The following RLBP1 variants were observed in gnomAD, a reference collection of about 807,000 sequenced individuals.
RLBP1 encodes the protein retinaldehyde-binding protein 1.
A neutral mutation model predicts 36.2 loss-of-function variants in RLBP1; 26 were observed. The ratio of observed to expected loss-of-function variants is 0.72; its 90% CI spans 0.53 to 1.00. RLBP1 has a LOEUF of 1.00. RLBP1 is among the 50% of genes least tolerant of loss of function. RLBP1 has a pLI of 0.00. For synonymous variants in RLBP1, 155 were observed against 156.2 expected, an observed-to-expected ratio of 0.99 and a Z score of 0.06; for missense variants, 410 against 402.4, an observed-to-expected ratio of 1.02 and a Z score of -0.16.
At position 89,214,329 on chromosome 15, in the gene RLBP1, C is replaced by G. The variant is rs954148000; in HGVS notation, c.525+731G>C. On this transcript the variant is annotated intron_variant, in intron 6 of 8. Transcript: ENST00000268125. This position sits in a 1 kb window ranked among gnomAD's most constrained non-coding sequence, Gnocchi z 4.6. Reference sequence around the variant, plus strand: ...TACAAACATTAGCTGGGCATGGTGGCGTGCGTCTGTAATCCCAGCTACTTG... The same window carrying G: ...TACAAACATTAGCTGGGCATGGTGGGGTGCGTCTGTAATCCCAGCTACTTG... 1.3e-5 allele frequency among the ~76,000 whole-genome samples: 2 copies of G among 152,102 alleles called. No homozygotes were observed. The highest frequency in any genetic ancestry group is 3.9e-4 in the East Asian group (2 of 5,188).
At chr15:89,215,336 C>G in intron 5 of RLBP1, 98 bp from the exon 6 acceptor site, 1 of 1,182,324 alleles carries the variant, frequency 8.5e-7, no homozygotes, top group Non-Finnish European at 1.2e-6. Flanking sequence ...CTGCCAGGTC[C>G]TATGTGTGAC....
In RLBP1 at chr15:89,210,292, G is replaced by A; in HGVS notation, c.947C>T (p.Ala316Val). ...FGPQAQAENT[A>V]F Reference sequence around the variant, plus strand: ...AGCTGGCAGGAGATGTTTTCAGAAGGCTGTGTTCTCAGCTTGGGCCTGGGG... The same window carrying A: ...AGCTGGCAGGAGATGTTTTCAGAAGACTGTGTTCTCAGCTTGGGCCTGGGG... The change falls in exon 9 of 9, where the codon GCC (alanine) becomes GTC (valine). Residue 316 changes from alanine (A) to valine (V), a missense_variant. Physicochemically the swap from Ala to Val is moderately conservative, Grantham distance 64. Coordinates refer to ENST00000268125, the MANE Select transcript of RLBP1 (RefSeq NM_000326.5). This position sits in a 1 kb window ranked among gnomAD's most constrained non-coding sequence, Gnocchi z 4.7. 1 of 1,614,148 alleles carries A rather than the reference G, an allele frequency of 6.2e-7. No individual in the cohort carries two copies. Among genetic ancestry groups the A allele is most frequent in the Non-Finnish European group, 8.5e-7 (1 of 1,180,044 alleles).
Position 89,210,314 on chromosome 15 carries a change from G to A in RLBP1, c.925C>T (p.Gln309Ter), listed in dbSNP as rs769666232. The A allele has an allele frequency of 4.2e-5, 67 of 1,614,042 alleles. No individual in the cohort carries two copies. Among genetic ancestry groups the A allele is most frequent in the Admixed American group, 4.0e-4 (24 of 60,000 alleles). The stretch of plus-strand genomic sequence containing the variant: ...AAGGCTGTGTTCTCAGCTTGGGCCT[G>A]GGGGCCAAAGAGCTGCTCAGCAACG... ...KAVAEQLFGP[Q>*]AQAENTAF Residue 309 changes from glutamine to a stop codon, truncating the protein, a stop_gained, in exon 9 of 9, where the codon CAG becomes TAG. Transcript: ENST00000268125. LOFTEE classifies it high-confidence loss of function. The surrounding 1 kb of genome is among the most constrained non-coding windows in gnomAD (Gnocchi z 4.7).
In RLBP1 at chr15:89,218,741, G is replaced by A. The variant is rs1254975755; in HGVS notation, c.13-48C>T. ...GGAACAGCCAACCGCATCAGCCTGA[G>A]CCAGCCAGGGAAATGGGCCTGCTCA... is the stretch of plus-strand genomic sequence containing the variant. On this transcript the variant is annotated intron_variant, in intron 3 of 8. Transcript: ENST00000268125. The surrounding 1 kb of genome is among the most constrained non-coding windows in gnomAD (Gnocchi z 4.6). 3.1e-5 allele frequency: 50 copies of A among 1,610,938 alleles called. No individual in the cohort carries two copies. The highest frequency in any genetic ancestry group is 4.1e-5 in the Non-Finnish European group (48 of 1,179,978).
In RLBP1 at chr15:89,211,546, G is replaced by A. The variant is rs145234142; in HGVS notation, c.684+197C>T. ...GAGAGAATGCTCTCAAGGAGTCGAT[G>A]GAAGAATGAAAGGGAATACTTGGCA... is the stretch of plus-strand genomic sequence containing the variant. On this transcript the variant is annotated intron_variant, in intron 7 of 8. Transcript: ENST00000268125. This position sits in a 1 kb window ranked among gnomAD's most constrained non-coding sequence, Gnocchi z 5.8. Among the ~76,000 whole-genome samples, 327 of 152,322 alleles carry A rather than the reference G, an allele frequency of 2.1e-3. 1 individual carries two copies. The highest frequency in any genetic ancestry group is 2.3e-3 in the Non-Finnish European group (159 of 68,020).
rs1426444866 is a variant in RLBP1 at position 89,218,210 on chromosome 15, G to A, written c.141+355C>T. On this transcript the variant is annotated intron_variant, in intron 4 of 8. Transcript: ENST00000268125. The surrounding 1 kb of genome is among the most constrained non-coding windows in gnomAD (Gnocchi z 4.6). ...AGGTCACACAGCAAGCTGAAAGTAG[G>A]TCTGGTTCTGGAACTCAAGTCTCTT... Among the ~76,000 whole-genome samples, 1 of 152,258 alleles carries A rather than the reference G, an allele frequency of 6.6e-6. No individual in the cohort carries two copies. The highest frequency in any genetic ancestry group is 1.5e-5 in the Non-Finnish European group (1 of 68,048).
Position 89,211,906 on chromosome 15 carries a change from G to GGCA in RLBP1, c.526-8_526-6dup, listed in dbSNP as rs773152353. On this transcript the variant is annotated splice_polypyrimidine_tract_variant and splice_region_variant and intron_variant, in intron 6 of 8. Coordinates refer to ENST00000268125, the MANE Select transcript of RLBP1 (RefSeq NM_000326.5). This position sits in a 1 kb window ranked among gnomAD's most constrained non-coding sequence, Gnocchi z 5.8. ...GAAGCAATATGCCTGCAAGATCTTG[G>GGCA]GCACAGAGAGAACAGGCTGTAAGAT... 2 of 1,614,140 alleles carry GGCA rather than the reference G, an allele frequency of 1.2e-6. No homozygotes were observed. The highest frequency in any genetic ancestry group is 8.5e-7 in the Non-Finnish European group (1 of 1,180,018).
At position 89,219,014 on chromosome 15, in the gene RLBP1, G is replaced by A. The variant is rs2051606059; in HGVS notation, c.-39C>T. The A allele has an allele frequency of 6.2e-7, 1 of 1,613,796 alleles. No homozygotes were observed. The highest frequency in any genetic ancestry group is 8.5e-7 in the Non-Finnish European group (1 of 1,179,962). Reference sequence around the variant, plus strand: ...GACACAGAGTCCTTGGAAAAAGAAGGGATCTGCTTTCTCTGTCCTGGCCTC... The same window carrying A: ...GACACAGAGTCCTTGGAAAAAGAAGAGATCTGCTTTCTCTGTCCTGGCCTC... On this transcript the variant is annotated 5_prime_UTR_variant, in exon 3 of 9. Coordinates refer to ENST00000268125, the MANE Select transcript of RLBP1 (RefSeq NM_000326.5).
rs899345764 is a variant in RLBP1, at chr15:89,218,111, C to T, written c.141+454G>A. Among the ~76,000 whole-genome samples the T allele has an allele frequency of 2.0e-5, 3 of 152,194 alleles. No individual in the cohort carries two copies. The highest frequency in any genetic ancestry group is 7.2e-5 in the African/African-American group (3 of 41,444). On this transcript the variant is annotated intron_variant, in intron 4 of 8. Transcript: ENST00000268125. The surrounding 1 kb of genome is among the most constrained non-coding windows in gnomAD (Gnocchi z 4.6). ...GCCTCCACAGAGCACAATCTGATCA[C>T]CTCTGAGCTAGTCCACCAACCGTCT... is the stretch of plus-strand genomic sequence containing the variant.
chr15:89,210,362 G>T lies in RLBP1; in HGVS notation c.877C>A (p.Leu293Met). Residue 293 changes from leucine to methionine, a missense_variant, in exon 9 of 9, where the codon CTG becomes ATG. Leu to Met is a conservative substitution (Grantham distance 15). Transcript: ENST00000268125. This position sits in a 1 kb window ranked among gnomAD's most constrained non-coding sequence, Gnocchi z 4.7. The stretch of plus-strand genomic sequence containing the variant: ...ACGGCCTTGCCATCATACTTGGGCA[G>T]CGTGCCCCCGAAGTCAGAGGGCAGG... ...NILPSDFGGT[L>M]PKYDGKAVAE... is the part of the protein sequence containing the mutation. 4 of 1,614,228 alleles carry T rather than the reference G, an allele frequency of 2.5e-6. No individual in the cohort carries two copies. The highest frequency in any genetic ancestry group is 2.5e-6 in the Non-Finnish European group (3 of 1,180,030).
rs763518779 is a variant in RLBP1, at chr15:89,215,138, A to G, written c.447T>C (p.Ser149=). The G allele has an allele frequency of 1.9e-6, 3 of 1,614,218 alleles. No individual in the cohort carries two copies. Among genetic ancestry groups the G allele is most frequent in the Non-Finnish European group, 2.5e-6 (3 of 1,180,018 alleles). The change falls in exon 6 of 9, where the codon TCT becomes TCC. Residue 149 remains serine, a synonymous_variant. Transcript: ENST00000268125. Reference sequence around the variant, plus strand: ...CCACTCGGCCATACTTGTCCCGACTAGAGAGGACACCAGGGTAGCCAGCTT... The same window carrying G: ...CCACTCGGCCATACTTGTCCCGACTGGAGAGGACACCAGGGTAGCCAGCTT... ...TIEAGYPGVL[S]SRDKYGRVVM...
rs2051524659 is a variant in RLBP1, at chr15:89,210,189, C to T, written c.*96G>A. 16 of 1,443,984 alleles carry T rather than the reference C, an allele frequency of 1.1e-5. No homozygotes were observed. Among genetic ancestry groups the T allele is most frequent in the Non-Finnish European group, 1.4e-5 (15 of 1,035,518 alleles). 89.4% of individuals were successfully genotyped at this position (1,443,984 alleles called of 1,614,324 possible). On this transcript the variant is annotated 3_prime_UTR_variant, in exon 9 of 9. Transcript: ENST00000268125. This position sits in a 1 kb window ranked among gnomAD's most constrained non-coding sequence, Gnocchi z 4.7. ...GCTTAGGGAGTCTAAGGGGGGACCA[C>T]AGTCATCTCAAGCAGCCCTTTCCTA... is the stretch of plus-strand genomic sequence containing the variant.
In RLBP1 at chr15:89,210,493, G is replaced by A. The variant is rs1454033213; in HGVS notation, c.796-50C>T. On this transcript the variant is annotated intron_variant, in intron 8 of 8. Coordinates refer to ENST00000268125, the MANE Select transcript of RLBP1 (RefSeq NM_000326.5). The surrounding 1 kb of genome is among the most constrained non-coding windows in gnomAD (Gnocchi z 4.7). ...ACTGAGCAGGAGGAGGTGCCCTAAG[G>A]ATGAGGGTTGAGGGAGGAAAGGGGC... 6.2e-7 allele frequency: 1 copy of A among 1,604,136 alleles called. No individual in the cohort carries two copies. The highest frequency in any genetic ancestry group is 1.7e-5 in the Admixed American group (1 of 59,936).
rs954522358 is a variant in RLBP1, at chr15:89,218,866, G to A, written c.12+98C>T. 24 of 1,524,618 alleles carry A rather than the reference G, an allele frequency of 1.6e-5. No individual in the cohort carries two copies. In the Admixed American group the frequency reaches 4.1e-4, roughly 26 times the overall value. 94.4% of individuals were successfully genotyped at this position (1,524,618 alleles called of 1,614,324 possible). A position where few individuals can be genotyped will look rare whatever the true frequency, so the allele number is the denominator to read the frequency against. On this transcript the variant is annotated intron_variant, in intron 3 of 8. Transcript: ENST00000268125. The surrounding 1 kb of genome is among the most constrained non-coding windows in gnomAD (Gnocchi z 4.6). ...TAGAAGTGTGTGCCTATATTCCCGG[G>A]CAGAGCATAAGATAGAGAAGTAAGG... is the stretch of plus-strand genomic sequence containing the variant.
rs2051602260 is a variant in RLBP1, at chr15:89,218,661, TTCC to T, written c.42_44del (p.Glu15del). 6.2e-7 allele frequency: 1 copy of T among 1,614,094 alleles called. No individual in the cohort carries two copies. Among genetic ancestry groups the T allele is most frequent in the African/African-American group, 1.3e-5 (1 of 74,944 alleles). On this transcript the variant is annotated inframe_deletion, in exon 4 of 9. Transcript: ENST00000268125. This position sits in a 1 kb window ranked among gnomAD's most constrained non-coding sequence, Gnocchi z 4.6. ...GCTCCAGTTGGGCACGGAGCTCCTG[TTCC>T]TCTTCAGGTACCATGCGGAACGTGC...
In RLBP1 at chr15:89,211,340, G is replaced by A. The variant is rs1310661380; in HGVS notation, c.684+403C>T. On this transcript the variant is annotated intron_variant, in intron 7 of 8. Transcript: ENST00000268125. This position sits in a 1 kb window ranked among gnomAD's most constrained non-coding sequence, Gnocchi z 5.8. ...AGGGTTAGTGATAATCCCTTTCTCG[G>A]GGTGAATCCACATTCAAAGAGAGGC... 6.6e-6 allele frequency among the ~76,000 whole-genome samples: 1 copy of A among 152,066 alleles called. No individual in the cohort carries two copies. The highest frequency in any genetic ancestry group is 1.5e-5 in the Non-Finnish European group (1 of 68,022).
In RLBP1 at chr15:89,218,513, C is replaced by A. The variant is rs1214514026; in HGVS notation, c.141+52G>T. 1 of 1,612,956 alleles carries A rather than the reference C, an allele frequency of 6.2e-7. No individual in the cohort carries two copies. The highest frequency in any genetic ancestry group is 8.5e-7 in the Non-Finnish European group (1 of 1,179,472). ...CAGGAGAGAGAATGCAGTCATGTTCCCCTCATGTTGCCTCCCTAGGCTGCT... is the reference window on the plus strand; with the variant it reads ...CAGGAGAGAGAATGCAGTCATGTTCACCTCATGTTGCCTCCCTAGGCTGCT... On this transcript the variant is annotated intron_variant, in intron 4 of 8. Transcript: ENST00000268125. This position sits in a 1 kb window ranked among gnomAD's most constrained non-coding sequence, Gnocchi z 4.6.
Position 89,211,875 on chromosome 15 carries a change from C to T in RLBP1, c.552G>A (p.Leu184=), listed in dbSNP as rs754340979. The change falls in exon 7 of 9, where the codon CTG becomes CTA. Residue 184 remains leucine, a synonymous_variant. Transcript: ENST00000268125. The surrounding 1 kb of genome is among the most constrained non-coding windows in gnomAD (Gnocchi z 5.8). The stretch of plus-strand genomic sequence containing the variant: ...TTTCCTCATTCTCCAGCAGCTTCTC[C>T]AGGATGAAGCAATATGCCTGCAAGA... ...DEILQAYCFI[L]EKLLENEETQ... 6.2e-7 allele frequency: 1 copy of T among 1,614,194 alleles called. No individual in the cohort carries two copies. Among genetic ancestry groups the T allele is most frequent in the Non-Finnish European group, 8.5e-7 (1 of 1,180,036 alleles).
intron 2 of RLBP1, among the ~76,000 whole-genome samples, chr15:89,219,398 A>G (rs1400255113): frequency 6.6e-6 from 1 of 152,226 alleles, no homozygotes; most frequent in African/African-American, 2.4e-5. Flanking sequence ...TCTGTTCTCA[A>G]TGACATGATC....
Sources: gnomAD v4.1 joint callset for allele counts (sites outside exome capture counted in the v4.1 genomes callset) on GRCh38, gnomAD v4.1.1 for gene constraint, Gnocchi (gnomAD v3.1) non-coding constraint, MANE v1.5 for transcripts, NCBI Gene and HGNC (gene_info 2026-07-23, HGNC 2026-07-21) for gene names.